Variants in SPOCK3 observed in about 807,000 individuals in gnomAD.
SPOCK3 encodes SPARC (osteonectin), cwcv and kazal like domains proteoglycan 3.
In SPOCK3, 30 loss-of-function variants were observed where a neutral mutation model predicts 56.6. The ratio of observed to expected loss-of-function variants is 0.53; its 90% CI spans 0.40 to 0.72. SPOCK3 has a LOEUF of 0.72. Among genes scored for constraint, SPOCK3 ranks in the 30% least tolerant of loss-of-function variants. The pLI is 0.00. For missense variants in SPOCK3, 527 were observed against 530.0 expected (o/e 0.99, Z 0.06); for synonymous variants, 196 against 183.3 (o/e 1.07, Z -0.56).
intron 8 of SPOCK3, among the ~76,000 whole-genome samples, chr4:166,751,661 G>C (rs2126474476): frequency 6.6e-6 from 1 of 152,234 alleles, no homozygotes; most frequent in East Asian, 1.9e-4. Flanking sequence ...AAAAGACTAG[G>C]TGGAGCTGAA....
At chr4:167,171,285 T>C (rs1161490676) in intron 2 of SPOCK3, among the ~76,000 whole-genome samples, 1 of 152,192 alleles carries the variant, frequency 6.6e-6, no homozygotes, top group Admixed American at 6.6e-5. Context: ...ACTGAAATTA[T>C]GCAGTTTTGT....
intron 4 of SPOCK3, among the ~76,000 whole-genome samples, chr4:166,999,657 C>T (rs781268858): frequency 6.6e-6 from 1 of 152,138 alleles, no homozygotes; most frequent in Non-Finnish European, 1.5e-5. Flanking sequence ...TTGTTTCAGT[C>T]GGTTAAACAA....
chr4:167,099,648 T>C (rs898582241), intron 2 of SPOCK3, among the ~76,000 whole-genome samples: 2 of 152,126 alleles, frequency 1.3e-5, no homozygotes, highest in African/African-American at 4.8e-5. Flanking sequence ...AATTTCTTCA[T>C]TTCATTACTT....
At chr4:167,189,731 A>ACT (rs1732316400) in intron 2 of SPOCK3, among the ~76,000 whole-genome samples, 1 of 145,558 alleles carries the variant, frequency 6.9e-6, no homozygotes, top group Non-Finnish European at 1.5e-5. Context: ...AAATCCCCAG[A>ACT]ACTTTTTCAT....
chr4:166,910,415 TA>T (rs1737140818), intron 5 of SPOCK3, among the ~76,000 whole-genome samples: 1 of 152,114 alleles, frequency 6.6e-6, no homozygotes. Context: ...TTAGATGATT[TA>T]TAAGCCAAGG....
At chr4:167,177,590 G>C (rs996718742) in intron 2 of SPOCK3, among the ~76,000 whole-genome samples, 1 of 152,030 alleles carries the variant, frequency 6.6e-6, no homozygotes, top group East Asian at 1.9e-4. Context: ...GACTGGACTG[G>C]GTACTGTGAA....
At chr4:166,751,450 A>G (rs1432273320) in intron 8 of SPOCK3, among the ~76,000 whole-genome samples, 1 of 152,182 alleles carries the variant, frequency 6.6e-6, no homozygotes, top group Admixed American at 6.6e-5. Context: ...CATTTTATAT[A>G]TAATTACTTT....
At chr4:167,208,813 A>C (rs1342489020) in intron 2 of SPOCK3, among the ~76,000 whole-genome samples, 4 of 152,126 alleles carry the variant, frequency 2.6e-5, no homozygotes, top group Non-Finnish European at 5.9e-5. Context: ...TTAGCAAGGA[A>C]ACTTTCCTAT....
intron 5 of SPOCK3, among the ~76,000 whole-genome samples, chr4:166,899,803 C>T (rs948429932): frequency 1.3e-5 from 2 of 152,182 alleles, no homozygotes; most frequent in Non-Finnish European, 2.9e-5. Context: ...GCATGAGCCA[C>T]TGTGCCCAGC....
intron 4 of SPOCK3, among the ~76,000 whole-genome samples, chr4:166,963,936 CATAATT>C (rs1296549399): frequency 6.6e-6 from 1 of 151,684 alleles, no homozygotes; most frequent in Non-Finnish European, 1.5e-5. Context: ...AAATTATAGT[CATAATT>C]ATAGTCTCAG....
intron 6 of SPOCK3, among the ~76,000 whole-genome samples, chr4:166,887,175 C>T (rs190081603): frequency 6.6e-6 from 1 of 152,300 alleles, no homozygotes; most frequent in Admixed American, 6.5e-5. Flanking sequence ...TACCTTCCAT[C>T]TTTAATGCAC....
At chr4:167,090,144 G>A (rs1019422910) in intron 2 of SPOCK3, among the ~76,000 whole-genome samples, 2 of 152,260 alleles carry the variant, frequency 1.3e-5, no homozygotes, top group African/African-American at 4.8e-5. Context: ...ATACTTATGA[G>A]TAGGACTGCT....
At chr4:167,082,792 G>A (rs1266844306) in intron 2 of SPOCK3, among the ~76,000 whole-genome samples, 4 of 148,016 alleles carry the variant, frequency 2.7e-5, no homozygotes, top group Non-Finnish European at 4.5e-5. Context: ...AGGGAAGGAA[G>A]GGGCAGAGAG....
intron 7 of SPOCK3, among the ~76,000 whole-genome samples, chr4:166,791,675 A>G (rs1488241204): frequency 6.6e-6 from 1 of 152,160 alleles, no homozygotes; most frequent in South Asian, 2.1e-4. Flanking sequence ...AAATTGTAAG[A>G]GGTATATGGC....
chr4:166,851,968 T>C (rs1199067616), intron 6 of SPOCK3, among the ~76,000 whole-genome samples: 5 of 151,544 alleles, frequency 3.3e-5, no homozygotes, highest in Admixed American at 6.6e-5. Flanking sequence ...TATGCAGCCA[T>C]AAAAAATGAT....
chr4:166,812,785 A>G (rs1579300168), intron 6 of SPOCK3, among the ~76,000 whole-genome samples: 1 of 152,112 alleles, frequency 6.6e-6, no homozygotes, highest in Admixed American at 6.6e-5. Context: ...CTTAAAGGCT[A>G]TATATTTTCA....
At chr4:166,960,742 C>A (rs766248898) in intron 4 of SPOCK3, among the ~76,000 whole-genome samples, 1 of 152,062 alleles carries the variant, frequency 6.6e-6, no homozygotes, top group Non-Finnish European at 1.5e-5. Flanking sequence ...GAAGGATGCA[C>A]GAGAATATTT....
intron 2 of SPOCK3, among the ~76,000 whole-genome samples, chr4:167,146,456 C>A (rs1253025970): frequency 3.9e-5 from 6 of 151,986 alleles, no homozygotes; most frequent in African/African-American, 9.7e-5. Context: ...TTGGACCAAG[C>A]GGACCTAATA....
Position 167,191,017 on chromosome 4 carries a change from C to T in SPOCK3, c.189+42968G>A, listed in dbSNP as rs1184846782. Among the ~76,000 whole-genome samples the T allele has an allele frequency of 1.4e-5, 2 of 145,726 alleles. 1 individual carries two copies. The highest frequency in any genetic ancestry group is 4.1e-4 in the East Asian group (2 of 4,844). On this transcript the variant is annotated intron_variant, in intron 2 of 10. Transcript: ENST00000357545. ...ATGCCAGAACATACTGTTTCGATTA[C>T]TATAGCTTTGCTTTGTAGTATATTT...
Sources: allele counts gnomAD v4.1 joint callset (sites outside exome capture counted in the v4.1 genomes callset), GRCh38; gene constraint gnomAD v4.1.1; transcripts MANE v1.5; gene names NCBI Gene and HGNC (gene_info 2026-07-23, HGNC 2026-07-21).